Variants in ASB11 observed in about 807,000 individuals in gnomAD.
ASB11 encodes ankyrin repeat and SOCS box containing 11, also known as ankyrin repeat and SOCS box protein 11.
A neutral mutation model predicts 20.1 loss-of-function variants in ASB11; 17 were observed. The observed-to-expected ratio is 0.85, with a 90% confidence interval of 0.58 to 1.27. The LOEUF (loss-of-function observed/expected upper bound fraction) is 1.27, where lower values mean the gene tolerates loss of function less well. Ranked by LOEUF, ASB11 falls within the 50% of genes most tolerant of loss-of-function variation. The pLI is 0.00. For synonymous variants in ASB11, 107 were observed against 105.6 expected, an observed-to-expected ratio of 1.01 and a Z score of -0.08; for missense variants, 259 against 256.9, an observed-to-expected ratio of 1.01 and a Z score of -0.06.
At position 15,297,674 on chromosome X, in the gene ASB11, T is replaced by A; in HGVS notation, c.269A>T (p.Asn90Ile). ...CCGGTTAATTGTCACAAGGTTCACA[T>A]TGACACCCTATAATTTAGAAAGAAG... ...ALKTLIAQGV[N>I]VNLVTINRVS... The change falls in exon 3 of 7, where the codon AAT becomes ATT. Residue 90 changes from asparagine to isoleucine, a missense_variant. Physicochemically the swap from Asn to Ile is moderately radical, Grantham distance 149. Coordinates refer to ENST00000480796, the MANE Select transcript of ASB11 (RefSeq NM_080873.3). 1 of 1,204,598 alleles carries A rather than the reference T, an allele frequency of 8.3e-7. No homozygotes were observed. The highest frequency in any genetic ancestry group is 1.1e-6 in the Non-Finnish European group (1 of 889,169).
rs5935925 is a variant in ASB11, at chrX:15,283,411, G to A, written c.*94C>T. 0.47 allele frequency: 505,644 copies of A among 1,085,004 alleles called. 81,942 individuals are homozygous for A. The highest frequency in any genetic ancestry group is 0.59 in the South Asian group (31,045 of 52,187). The allele number at this position is 1,085,004 out of a possible 1,213,427, so 89.4% of individuals were successfully genotyped here. A position where few individuals can be genotyped will look rare whatever the true frequency, so the allele number is the denominator to read the frequency against. Reference sequence around the variant, plus strand: ...CGACTGAGCTCATTTAAAGATACTAGGAGTCTAAGCTGTTGAGCTTCTACA... The same window carrying A: ...CGACTGAGCTCATTTAAAGATACTAAGAGTCTAAGCTGTTGAGCTTCTACA... On this transcript the variant is annotated 3_prime_UTR_variant, in exon 7 of 7. Coordinates refer to ENST00000480796, the MANE Select transcript of ASB11 (RefSeq NM_080873.3).
intron 1 of ASB11, among the ~76,000 whole-genome samples, chrX:15,310,564 A>G (rs1407808647): frequency 8.9e-6 from 1 of 112,685 alleles, no homozygotes; most frequent in East Asian, 2.8e-4. Context: ...ATATATTTCA[A>G]TAACATTGGT....
At chrX:15,296,793 A>G (rs1920968930) in intron 3 of ASB11, among the ~76,000 whole-genome samples, 1 of 111,970 alleles carries the variant, frequency 8.9e-6, no homozygotes, top group Non-Finnish European at 1.9e-5. Context: ...TACAACCATT[A>G]TGGGGAACAG....
In ASB11 at chrX:15,297,625, G is replaced by A; in HGVS notation, c.318C>T (p.Cys106=). Residue 106 remains cysteine, a synonymous_variant, in exon 3 of 7, where the codon TGC becomes TGT. Transcript: ENST00000480796. ...TGGCACAGGCCACGTGACCTCCAAG[G>A]CATGCCTCGTGGAGAGAAGACACCC... ...INRVSSLHEA[C]LGGHVACAKA... 1 of 1,209,687 alleles carries A rather than the reference G, an allele frequency of 8.3e-7. No individual in the cohort carries two copies. Among genetic ancestry groups the A allele is most frequent in the Non-Finnish European group, 1.1e-6 (1 of 894,363 alleles).
chrX:15,299,569 A>G (rs1026161576), intron 2 of ASB11, among the ~76,000 whole-genome samples: 1 of 110,944 alleles, frequency 9.0e-6, no homozygotes, highest in African/African-American at 3.3e-5. Context: ...GTCTGTGTTG[A>G]TGTTAAATTC....
chrX:15,307,523 C>G (rs753727055), intron 1 of ASB11, among the ~76,000 whole-genome samples: 17 of 112,330 alleles, frequency 1.5e-4, no homozygotes, highest in South Asian at 7.4e-4. Flanking sequence ...GAATCTAATG[C>G]CACCACTGAT....
At chrX:15,298,127 G>A (rs972947471) in intron 2 of ASB11, among the ~76,000 whole-genome samples, 6 of 112,077 alleles carry the variant, frequency 5.4e-5, no homozygotes, top group Non-Finnish European at 1.1e-4. Context: ...AGACAAAAGA[G>A]CAAGAATATT....
Position 15,282,126 on chromosome X carries a change from G to A in ASB11, c.*1379C>T, listed in dbSNP as rs1927199249. On this transcript the variant is annotated 3_prime_UTR_variant, in exon 7 of 7. Coordinates refer to ENST00000480796, the MANE Select transcript of ASB11 (RefSeq NM_080873.3). ...GCAACTAAACATGTCTGCAGACATT[G>A]ACAAATGTCTCAGTGGGAGTGGGGC... The A allele has an allele frequency of 9.0e-6, 1 of 110,996 alleles. No homozygotes were observed. The highest frequency in any genetic ancestry group is 3.9e-4 in the South Asian group (1 of 2,567). 9.1% of individuals were successfully genotyped at this position (110,996 alleles called of 1,213,427 possible). A position where few individuals can be genotyped will look rare whatever the true frequency, so the allele number is the denominator to read the frequency against.
rs182163237 is a variant in ASB11, at chrX:15,308,315, T to A, written c.182-5508A>T. Among the ~76,000 whole-genome samples the A allele has an allele frequency of 2.2e-3, 249 of 112,426 alleles. 2 individuals are homozygous for A. Among genetic ancestry groups the A allele is most frequent in the Non-Finnish European group, 2.8e-3 (151 of 53,191 alleles). ...CCTCTGATGTCCCCAACTCTGATCCTGTGCCTCTGAGATCAAGGTTAACAA... is the reference window on the plus strand; with the variant it reads ...CCTCTGATGTCCCCAACTCTGATCCAGTGCCTCTGAGATCAAGGTTAACAA... On this transcript the variant is annotated intron_variant, in intron 1 of 6. Coordinates refer to ENST00000480796, the MANE Select transcript of ASB11 (RefSeq NM_080873.3).
intron 1 of ASB11, among the ~76,000 whole-genome samples, chrX:15,304,471 A>G (rs1459178729): frequency 1.8e-5 from 2 of 112,680 alleles, no homozygotes; most frequent in Non-Finnish European, 1.9e-5. Context: ...ATGTGCGTAT[A>G]TACGTATTTT....
rs1473966066 is a variant in ASB11 at position 15,284,047 on chromosome X, T to A, written c.848-418A>T. On this transcript the variant is annotated intron_variant, in intron 6 of 6. Coordinates refer to ENST00000480796, the MANE Select transcript of ASB11 (RefSeq NM_080873.3). ...GTGGGCGGATCACGAGGTCAGGAGATGGAGACCATCCTGGCTAACACGGTG... is the reference window on the plus strand; with the variant it reads ...GTGGGCGGATCACGAGGTCAGGAGAAGGAGACCATCCTGGCTAACACGGTG... Among the ~76,000 whole-genome samples, 13 of 108,045 alleles carry A rather than the reference T, an allele frequency of 1.2e-4. No homozygotes were observed. The East Asian group carries it at 3.0e-3, about 25-fold the overall frequency. 93.8% of individuals were successfully genotyped at this position (108,045 alleles called of 115,157 possible).
intron 6 of ASB11, 49 bp from the exon 7 acceptor site, chrX:15,283,678 G>T: frequency 8.5e-7 from 1 of 1,179,011 alleles, no homozygotes; most frequent in Non-Finnish European, 1.1e-6. Flanking sequence ...TGGGAGGTGG[G>T]GTGGAAGGGG....
intron 1 of ASB11, among the ~76,000 whole-genome samples, chrX:15,306,936 G>T (rs1921264914): frequency 9.0e-6 from 1 of 111,537 alleles, no homozygotes; most frequent in Non-Finnish European, 1.9e-5. Flanking sequence ...TTTACCCATG[G>T]CTGCCAGCTC....
chrX:15,314,665 A>G (rs1200033425), intron 1 of ASB11: 2 of 583,834 alleles, frequency 3.4e-6, no homozygotes, highest in Non-Finnish European at 4.5e-6. Context: ...TGCAAACACT[A>G]AAAATACACG....
chrX:15,291,764 C>T (rs5934231), intron 4 of ASB11: 38,592 of 106,455 alleles, frequency 0.36, 5,296 homozygotes, highest in South Asian at 0.56. Flanking sequence ...TGGCTGAGCA[C>T]GGTGGCTCAT....
chrX:15,309,833 T>C (rs907784043), intron 1 of ASB11, among the ~76,000 whole-genome samples: 6 of 107,912 alleles, frequency 5.6e-5, no homozygotes, highest in Non-Finnish European at 1.2e-4. Flanking sequence ...CCAGGCGTGG[T>C]GGCGGGCGCC....
chrX:15,286,067 C>T (rs1927378077), intron 6 of ASB11, among the ~76,000 whole-genome samples: 1 of 110,560 alleles, frequency 9.0e-6, no homozygotes, highest in African/African-American at 3.3e-5. Flanking sequence ...AAAGTGTGGT[C>T]CTCAGACCAG....
At chrX:15,315,157 A>T (rs1312319006) in intron 1 of ASB11, among the ~76,000 whole-genome samples, 1 of 112,140 alleles carries the variant, frequency 8.9e-6, no homozygotes, top group East Asian at 2.8e-4. Context: ...GTAGAAATGA[A>T]GTTTCTCAAA....
intron 3 of ASB11, among the ~76,000 whole-genome samples, chrX:15,296,173 T>C (rs1920963000): frequency 9.1e-6 from 1 of 110,394 alleles, no homozygotes; most frequent in Non-Finnish European, 1.9e-5. Flanking sequence ...CGTTCGAATC[T>C]AGGAAGTGGA....
Sources: gnomAD v4.1 joint callset for allele counts (sites outside exome capture counted in the v4.1 genomes callset) on GRCh38, gnomAD v4.1.1 for gene constraint, MANE v1.5 for transcripts, NCBI Gene and HGNC (gene_info 2026-07-23, HGNC 2026-07-21) for gene names.